TTC17: variants seen among roughly 807,000 people sequenced by gnomAD.
TTC17 encodes tetratricopeptide repeat domain 17, also known as tetratricopeptide repeat protein 17.
Under a neutral mutation model 143.8 loss-of-function variants are expected in TTC17, and 58 were observed. The ratio of observed to expected loss-of-function variants is 0.40; its 90% CI spans 0.33 to 0.50. The LOEUF (loss-of-function observed/expected upper bound fraction) is 0.50. Among genes scored for constraint, TTC17 ranks in the 20% least tolerant of loss-of-function variants. The pLI, the probability that TTC17 is intolerant of heterozygous loss-of-function variation, is 0.49. For synonymous variants in TTC17, 501 were observed against 497.8 expected, an observed-to-expected ratio of 1.01 and a Z score of -0.09; for missense variants, 1,273 against 1,392.5, an observed-to-expected ratio of 0.91 and a Z score of 1.37.
intron 21 of TTC17, among the ~76,000 whole-genome samples, chr11:43,472,022 T>TAAATATA (rs943649064): frequency 2.6e-5 from 4 of 152,158 alleles, no homozygotes; most frequent in Admixed American, 2.6e-4. Flanking sequence ...TGTGTGCTTT[T>TAAATATA]AAATATAAAA....
intron 16 of TTC17, among the ~76,000 whole-genome samples, chr11:43,437,723 A>C (rs1255270559): frequency 6.6e-6 from 1 of 152,216 alleles, no homozygotes; most frequent in Non-Finnish European, 1.5e-5. Flanking sequence ...TTGCATCTTC[A>C]GGAGTCAAAG....
intron 21 of TTC17, among the ~76,000 whole-genome samples, chr11:43,483,278 T>C (rs1017344437): frequency 1.5e-4 from 23 of 152,126 alleles, no homozygotes; most frequent in African/African-American, 5.3e-4. Context: ...CTCATCCTAA[T>C]ATAAACAGAC....
At chr11:43,404,366 C>CAT (rs1230472514) in intron 11 of TTC17, among the ~76,000 whole-genome samples, 28 of 152,202 alleles carry the variant, frequency 1.8e-4, no homozygotes, top group Non-Finnish European at 1.2e-4. Flanking sequence ...AGCAGATAGA[C>CAT]ACCCTGATTT....
chr11:43,452,907 A>C (rs1215972949), intron 21 of TTC17, among the ~76,000 whole-genome samples: 1 of 152,226 alleles, frequency 6.6e-6, no homozygotes, highest in African/African-American at 2.4e-5. Flanking sequence ...TGGGCAACAG[A>C]GTGAGACCCT....
At chr11:43,479,105 T>A (rs574802844) in intron 21 of TTC17, among the ~76,000 whole-genome samples, 1 of 152,246 alleles carries the variant, frequency 6.6e-6, no homozygotes, top group South Asian at 2.1e-4. Context: ...CAAGGTGTGA[T>A]GGCTCACACC....
At chr11:43,359,225 A>T (rs973517926) in intron 1 of TTC17, 112 bp downstream of exon 1, 1 of 1,336,522 alleles carries the variant, frequency 7.5e-7, no homozygotes. Context: ...GCCTACCCTC[A>T]CAGGGAGGTG....
At chr11:43,434,194 C>T (rs1246469026) in intron 16 of TTC17, among the ~76,000 whole-genome samples, 19 of 127,010 alleles carry the variant, frequency 1.5e-4, no homozygotes, top group African/African-American at 6.7e-4. Flanking sequence ...CACACACACA[C>T]ACACACACAC....
chr11:43,415,602 A>T (rs955946613), intron 16 of TTC17, among the ~76,000 whole-genome samples: 7 of 152,150 alleles, frequency 4.6e-5, no homozygotes, highest in African/African-American at 1.4e-4. Context: ...TTCACTTTTG[A>T]TATTTAAAAA....
At chr11:43,411,429 G>A (rs1010551583) in intron 15 of TTC17, among the ~76,000 whole-genome samples, 6 of 141,740 alleles carry the variant, frequency 4.2e-5, no homozygotes, top group African/African-American at 8.0e-5. Flanking sequence ...CACTCCCCCC[G>A]CCCCCCACAA....
intron 16 of TTC17, among the ~76,000 whole-genome samples, chr11:43,428,118 A>G (rs1406662062): frequency 2.6e-5 from 4 of 152,156 alleles, no homozygotes; most frequent in African/African-American, 9.7e-5. Flanking sequence ...ATGTCTGACA[A>G]GTGGCCTGTA....
intron 1 of TTC17, among the ~76,000 whole-genome samples, chr11:43,360,453 T>G (rs1299290249): frequency 6.6e-6 from 1 of 152,222 alleles, no homozygotes; most frequent in African/African-American, 2.4e-5. Context: ...TTTTGTTTCT[T>G]GATAGTGGTT....
chr11:43,402,634 G>T (rs539456707), intron 10 of TTC17, among the ~76,000 whole-genome samples: 1 of 152,114 alleles, frequency 6.6e-6, no homozygotes, highest in African/African-American at 2.4e-5. Context: ...CAAAAGAAAT[G>T]ATCATTGGAG....
chr11:43,472,893 G>T (rs899622271), intron 21 of TTC17, among the ~76,000 whole-genome samples: 1 of 151,076 alleles, frequency 6.6e-6, no homozygotes, highest in South Asian at 2.1e-4. Context: ...TAAATCTCCA[G>T]TCTGGGTGCG....
intron 21 of TTC17, among the ~76,000 whole-genome samples, chr11:43,453,812 G>A (rs929941479): frequency 6.6e-6 from 1 of 152,172 alleles, no homozygotes; most frequent in Non-Finnish European, 1.5e-5. Context: ...AGGTCGAAAT[G>A]CATTTAGTAC....
At chr11:43,406,784 A>C (rs1406123504) in intron 13 of TTC17, among the ~76,000 whole-genome samples, 1 of 152,228 alleles carries the variant, frequency 6.6e-6, no homozygotes, top group African/African-American at 2.4e-5. Flanking sequence ...GGTATTTTCC[A>C]GGAAGGAAAG....
chr11:43,395,162 G>A (rs998400539), intron 5 of TTC17, among the ~76,000 whole-genome samples: 16 of 147,940 alleles, frequency 1.1e-4, no homozygotes, highest in African/African-American at 3.5e-4. Flanking sequence ...GTGCAGTGGC[G>A]CAATCTCAGC....
chr11:43,419,142 C>T (rs1172431839), intron 16 of TTC17, among the ~76,000 whole-genome samples: 2 of 152,022 alleles, frequency 1.3e-5, no homozygotes, highest in Non-Finnish European at 2.9e-5. Context: ...TTGAGGCACA[C>T]GCCTACTTAA....
intron 16 of TTC17, among the ~76,000 whole-genome samples, chr11:43,431,345 C>T (rs980765774): frequency 1.3e-5 from 2 of 152,126 alleles, no homozygotes; most frequent in East Asian, 3.9e-4. Context: ...GAGGAATCAC[C>T]GCATTGTCTT....
At chr11:43,482,895 A>G (rs1213609972) in intron 21 of TTC17, among the ~76,000 whole-genome samples, 1 of 152,174 alleles carries the variant, frequency 6.6e-6, no homozygotes, top group Non-Finnish European at 1.5e-5. Flanking sequence ...AAGATATAAT[A>G]GAGAAGATGA....
Sources: allele counts gnomAD v4.1 joint callset (sites outside exome capture counted in the v4.1 genomes callset), GRCh38; gene constraint gnomAD v4.1.1; transcripts MANE v1.5; gene names NCBI Gene and HGNC (gene_info 2026-07-23, HGNC 2026-07-21).